Variants in AMOTL1 observed in about 807,000 individuals in gnomAD.
AMOTL1 encodes angiomotin-like protein 1.
Under a neutral mutation model 102.9 loss-of-function variants are expected in AMOTL1, and 45 were observed. That is an observed-to-expected ratio of 0.44 (90% CI 0.34 to 0.56). The LOEUF (loss-of-function observed/expected upper bound fraction) is 0.56, where lower values mean the gene tolerates loss of function less well. AMOTL1 is among the 20% of genes least tolerant of loss of function. The pLI is 0.01. For missense variants in AMOTL1, 1,114 were observed against 1,225.6 expected, an observed-to-expected ratio of 0.91 and a Z score of 1.36; for synonymous variants, 481 against 484.7, an observed-to-expected ratio of 0.99 and a Z score of 0.10.
intron 2 of AMOTL1, among the ~76,000 whole-genome samples, chr11:94,738,913 G>A (rs117850326): frequency 0.025 from 3,749 of 152,266 alleles, 67 homozygotes; most frequent in Non-Finnish European, 0.036. Context: ...ATGACAGCAG[G>A]GGGCTGGTGT....
chr11:94,732,024 T>TA (rs1565331161), intron 2 of AMOTL1, among the ~76,000 whole-genome samples: 1 of 152,204 alleles, frequency 6.6e-6, no homozygotes, highest in African/African-American at 2.4e-5. Flanking sequence ...AGCTCATGCA[T>TA]AGCCAAGGCC....
intron 1 of AMOTL1, among the ~76,000 whole-genome samples, chr11:94,782,365 C>T (rs1951126373): frequency 6.6e-6 from 1 of 151,854 alleles, no homozygotes; most frequent in African/African-American, 2.4e-5. Flanking sequence ...GACAACTTCC[C>T]AATATGTAAA....
chr11:94,757,965 G>C (rs916014447), intron 3 of AMOTL1, among the ~76,000 whole-genome samples: 1 of 152,180 alleles, frequency 6.6e-6, no homozygotes, highest in Admixed American at 6.5e-5. Flanking sequence ...GGAAGGATAA[G>C]ACAGGAGAAT....
intron 2 of AMOTL1, among the ~76,000 whole-genome samples, chr11:94,796,453 C>G (rs561081173): frequency 2.0e-5 from 3 of 152,074 alleles, no homozygotes; most frequent in Non-Finnish European, 4.4e-5. Context: ...TCTCTGCTCC[C>G]GGGAGTTTGA....
intron 4 of AMOTL1, among the ~76,000 whole-genome samples, chr11:94,829,732 G>A (rs1328555048): frequency 2.0e-5 from 3 of 150,068 alleles, no homozygotes; most frequent in Non-Finnish European, 4.4e-5. Context: ...GCTATAAATT[G>A]CCATTAAAAG....
chr11:94,808,432 C>A (rs1252314712), intron 3 of AMOTL1, among the ~76,000 whole-genome samples: 1 of 152,230 alleles, frequency 6.6e-6, no homozygotes, highest in East Asian at 1.9e-4. Context: ...TTTCTATTTA[C>A]CCATTGATTT....
chr11:94,819,154 T>C (rs977714495), intron 3 of AMOTL1, among the ~76,000 whole-genome samples: 10 of 152,216 alleles, frequency 6.6e-5, no homozygotes, highest in Admixed American at 5.2e-4. Context: ...GACCAGAGGC[T>C]CATTCATTTT....
At chr11:94,720,605 A>G (rs1248031679) in intron 1 of AMOTL1, among the ~76,000 whole-genome samples, 3 of 152,022 alleles carry the variant, frequency 2.0e-5, no homozygotes, top group African/African-American at 7.2e-5. Flanking sequence ...TGGAAACCCA[A>G]TATTTGTAGC....
intron 1 of AMOTL1, among the ~76,000 whole-genome samples, chr11:94,790,283 A>G (rs2135550508): frequency 6.6e-6 from 1 of 152,328 alleles, no homozygotes; most frequent in African/African-American, 2.4e-5. Context: ...CCTGTCTTCA[A>G]AGGGTAATGA....
At chr11:94,839,508 A>C (rs1220916871) in intron 6 of AMOTL1, among the ~76,000 whole-genome samples, 2 of 152,190 alleles carry the variant, frequency 1.3e-5, no homozygotes, top group African/African-American at 4.8e-5. Flanking sequence ...TCTGGAGCCC[A>C]AACTTATACT....
chr11:94,753,688 A>G (rs1950685909), intron 3 of AMOTL1, among the ~76,000 whole-genome samples: 1 of 152,198 alleles, frequency 6.6e-6, no homozygotes, highest in African/African-American at 2.4e-5. Flanking sequence ...CTCTATTGCT[A>G]GGATTCCTAA....
intron 8 of AMOTL1, among the ~76,000 whole-genome samples, chr11:94,857,926 C>T (rs1186878699): frequency 6.6e-6 from 1 of 152,150 alleles, no homozygotes; most frequent in African/African-American, 2.4e-5. Flanking sequence ...CGGTAGCACA[C>T]TTACCCATTA....
intron 3 of AMOTL1, among the ~76,000 whole-genome samples, chr11:94,819,426 AT>A (rs1316862361): frequency 2.6e-5 from 4 of 152,200 alleles, no homozygotes; most frequent in African/African-American, 9.7e-5. Context: ...TGCATATGTG[AT>A]TAGTTCCTCT....
chr11:94,777,173 A>G (rs781322275), intron 1 of AMOTL1, among the ~76,000 whole-genome samples: 7 of 152,220 alleles, frequency 4.6e-5, no homozygotes, highest in Non-Finnish European at 7.3e-5. Context: ...TAAAAGCATC[A>G]CACAACCATT....
At chr11:94,834,931 G>C (rs1349386388) in intron 6 of AMOTL1, among the ~76,000 whole-genome samples, 1 of 152,132 alleles carries the variant, frequency 6.6e-6, no homozygotes, top group Non-Finnish European at 1.5e-5. Context: ...TTTTATGAAG[G>C]CCTTGGTGGA....
At chr11:94,738,129 T>C (rs1026526367) in intron 2 of AMOTL1, among the ~76,000 whole-genome samples, 7 of 152,332 alleles carry the variant, frequency 4.6e-5, no homozygotes, top group African/African-American at 1.4e-4. Flanking sequence ...CTTAGATGAT[T>C]CATCCATAGC....
rs1951343625 is a variant in AMOTL1 at position 94,795,142 on chromosome 11, A to T, written c.181A>T (p.Ser61Cys). The T allele has an allele frequency of 6.2e-7, 1 of 1,613,608 alleles. No homozygotes were observed. The highest frequency in any genetic ancestry group is 8.5e-7 in the Non-Finnish European group (1 of 1,179,812). Reference protein sequence around the residue: ...TSALTVEATSSIREKVVEDPL... With the variant: ...TSALTVEATSCIREKVVEDPL... The stretch of plus-strand genomic sequence containing the variant: ...TGCTTTGACGGTGGAGGCAACCAGT[A>T]GCATCAGGGAAAAAGTTGGTAAGTC... Residue 61 changes from serine to cysteine, a missense_variant, in exon 2 of 13, where the codon AGC becomes TGC. By Grantham distance (112) the Ser-to-Cys change is moderately radical (BLOSUM62 -1). Transcript: ENST00000433060.
At chr11:94,707,865 C>A (rs1293993339) in intron 1 of AMOTL1, among the ~76,000 whole-genome samples, 1 of 152,162 alleles carries the variant, frequency 6.6e-6, no homozygotes, top group Middle Eastern at 3.2e-3. Context: ...ATCCATTTCT[C>A]CCCACCTCCA....
chr11:94,732,416 A>G (rs961025746), intron 2 of AMOTL1, among the ~76,000 whole-genome samples: 7 of 152,112 alleles, frequency 4.6e-5, no homozygotes, highest in Admixed American at 6.6e-5. Flanking sequence ...GAGTTTCTGA[A>G]GGGAAGTCCC....
Sources: gnomAD v4.1 joint callset for allele counts (sites outside exome capture counted in the v4.1 genomes callset) on GRCh38, gnomAD v4.1.1 for gene constraint, MANE v1.5 for transcripts, NCBI Gene and HGNC (gene_info 2026-07-23, HGNC 2026-07-21) for gene names.